The following MFHAS1 variants were observed in gnomAD, a reference collection of about 807,000 sequenced individuals.
MFHAS1 encodes the protein malignant fibrous histiocytoma-amplified sequence 1.
MFHAS1 carries 50 observed loss-of-function variants against 70.4 expected under a neutral mutation model. That is an observed-to-expected ratio of 0.71 (90% CI 0.57 to 0.90). The LOEUF is 0.90. Among genes scored for constraint, MFHAS1 ranks in the 40% least tolerant of loss-of-function variants. The pLI, the probability that MFHAS1 is intolerant of heterozygous loss-of-function variation, is 0.00. For synonymous variants in MFHAS1, 952 were observed against 620.0 expected, an observed-to-expected ratio of 1.54 and a Z score of -7.96; for missense variants, 1,795 against 1,347.6, an observed-to-expected ratio of 1.33 and a Z score of -5.20.
intron 1 of MFHAS1, among the ~76,000 whole-genome samples, chr8:8,838,567 C>T (rs550928000): frequency 6.6e-6 from 1 of 152,278 alleles, no homozygotes; most frequent in Non-Finnish European, 1.5e-5. Flanking sequence ...AATCCCAGCA[C>T]TTTGGGAGGC....
At chr8:8,850,426 A>G (rs1808200637) in intron 1 of MFHAS1, among the ~76,000 whole-genome samples, 1 of 152,244 alleles carries the variant, frequency 6.6e-6, no homozygotes, top group Admixed American at 6.5e-5. Flanking sequence ...AAACGACAGA[A>G]TTTTTAAATT....
intron 1 of MFHAS1, among the ~76,000 whole-genome samples, chr8:8,867,408 G>C (rs1808898790): frequency 6.6e-6 from 1 of 151,918 alleles, no homozygotes. Flanking sequence ...GAGGCCCATA[G>C]GTACTTGCCT....
At chr8:8,856,774 A>C (rs1320382863) in intron 1 of MFHAS1, among the ~76,000 whole-genome samples, 1 of 152,036 alleles carries the variant, frequency 6.6e-6, no homozygotes, top group Non-Finnish European at 1.5e-5. Context: ...TTAATGAGTT[A>C]ATGGATGGTT....
chr8:8,826,069 T>C (rs573726531), intron 1 of MFHAS1, among the ~76,000 whole-genome samples: 41 of 152,340 alleles, frequency 2.7e-4, no homozygotes, highest in African/African-American at 7.7e-4. Context: ...TCCTATCAAC[T>C]TCCTTCCTTT....
chr8:8,852,698 C>T (rs190285866), intron 1 of MFHAS1, among the ~76,000 whole-genome samples: 3 of 152,258 alleles, frequency 2.0e-5, no homozygotes, highest in East Asian at 1.9e-4. Context: ...GCATTAATTC[C>T]GTTCTGAAGT....
rs13031 is a variant in MFHAS1, at chr8:8,784,082, C to G, written c.*1940G>C. The G allele has an allele frequency of 6.6e-6, 1 of 152,056 alleles. No homozygotes were observed. The highest frequency in any genetic ancestry group is 1.9e-4 in the East Asian group (1 of 5,188). 9.4% of individuals were successfully genotyped at this position (152,056 alleles called of 1,614,324 possible). On this transcript the variant is annotated 3_prime_UTR_variant, in exon 3 of 3. Transcript: ENST00000276282. ...GCAAATACTTTGTAGGGTGTGTCAC[C>G]CAAAGGAGCATTTTTGTCATTTAAT...
At chr8:8,850,873 C>G (rs995817222) in intron 1 of MFHAS1, among the ~76,000 whole-genome samples, 1 of 151,456 alleles carries the variant, frequency 6.6e-6, no homozygotes, top group South Asian at 2.1e-4. Flanking sequence ...ACCCGCTACA[C>G]ACCAATTCAT....
intron 1 of MFHAS1, among the ~76,000 whole-genome samples, chr8:8,805,849 C>T (rs1806270333): frequency 1.3e-5 from 2 of 151,712 alleles, no homozygotes; most frequent in Non-Finnish European, 2.9e-5. Flanking sequence ...AGGCGCGCAC[C>T]ACCATGACTG....
chr8:8,827,582 T>C (rs922851881), intron 1 of MFHAS1, among the ~76,000 whole-genome samples: 44 of 152,378 alleles, frequency 2.9e-4, no homozygotes, highest in African/African-American at 1.0e-3. Context: ...TTTTCATTTT[T>C]CCTATTGACT....
chr8:8,858,179 C>G (rs1462389980), intron 1 of MFHAS1, among the ~76,000 whole-genome samples: 1 of 152,108 alleles, frequency 6.6e-6, no homozygotes, highest in Non-Finnish European at 1.5e-5. Flanking sequence ...AGTTAAGAAG[C>G]CAGCAAGGGA....
intron 1 of MFHAS1, among the ~76,000 whole-genome samples, chr8:8,866,508 G>A (rs1207484686): frequency 1.3e-5 from 2 of 151,938 alleles, no homozygotes; most frequent in South Asian, 2.1e-4. Flanking sequence ...TGTAGAAATG[G>A]GGTTTTGCCA....
chr8:8,806,016 G>C (rs992622168), intron 1 of MFHAS1, among the ~76,000 whole-genome samples: 17 of 151,604 alleles, frequency 1.1e-4, no homozygotes, highest in African/African-American at 3.7e-4. Flanking sequence ...GGGTTTGTTT[G>C]TTTTGTTTTG....
chr8:8,857,198 G>C (rs763615825), intron 1 of MFHAS1, among the ~76,000 whole-genome samples: 21 of 152,114 alleles, frequency 1.4e-4, no homozygotes, highest in Non-Finnish European at 1.9e-4. Context: ...GATTTAAACA[G>C]AAAGTTCATG....
At chr8:8,794,730 C>CT (rs149620016) in intron 2 of MFHAS1, among the ~76,000 whole-genome samples, 3,969 of 151,422 alleles carry the variant, frequency 0.026, 166 homozygotes, top group African/African-American at 0.091. Flanking sequence ...TTTCATGAGA[C>CT]TTTTTTTTTA....
chr8:8,793,214 T>C (rs1430058760), intron 2 of MFHAS1, among the ~76,000 whole-genome samples: 1 of 152,126 alleles, frequency 6.6e-6, no homozygotes, highest in East Asian at 1.9e-4. Flanking sequence ...TTATTCTCTG[T>C]CTCTCCCCAT....
chr8:8,844,653 C>G (rs1379764204), intron 1 of MFHAS1, among the ~76,000 whole-genome samples: 2 of 152,210 alleles, frequency 1.3e-5, no homozygotes, highest in Non-Finnish European at 2.9e-5. Context: ...CTCAGACCAT[C>G]TCTCATGCAC....
chr8:8,818,082 G>A (rs149785191), intron 1 of MFHAS1, among the ~76,000 whole-genome samples: 97 of 152,198 alleles, frequency 6.4e-4, no homozygotes, highest in African/African-American at 2.2e-3. Flanking sequence ...CCACCCATAC[G>A]TCATACTCTT....
At chr8:8,858,452 G>C (rs1235820223) in intron 1 of MFHAS1, among the ~76,000 whole-genome samples, 4 of 152,010 alleles carry the variant, frequency 2.6e-5, no homozygotes, top group Admixed American at 1.3e-4. Flanking sequence ...TTGGAGCCTA[G>C]GAAGGGTTCA....
intron 1 of MFHAS1, among the ~76,000 whole-genome samples, chr8:8,834,789 G>T (rs1029646702): frequency 3.9e-5 from 6 of 152,274 alleles, no homozygotes; most frequent in African/African-American, 1.4e-4. Flanking sequence ...ATGCTAAGTA[G>T]AAGAAGCCAG....
Sources: gnomAD v4.1 joint callset for allele counts (sites outside exome capture counted in the v4.1 genomes callset) on GRCh38, gnomAD v4.1.1 for gene constraint, MANE v1.5 for transcripts, NCBI Gene and HGNC (gene_info 2026-07-23, HGNC 2026-07-21) for gene names.